Variants in COL19A1 observed in about 807,000 individuals in gnomAD.
COL19A1 encodes the protein collagen type XIX alpha 1 chain, also known as collagen alpha-1(XIX) chain.
Under a neutral mutation model 190.2 loss-of-function variants are expected in COL19A1, and 159 were observed. The ratio of observed to expected loss-of-function variants is 0.84; its 90% CI spans 0.73 to 0.95. The LOEUF (loss-of-function observed/expected upper bound fraction) is 0.95. COL19A1 is among the 40% of genes least tolerant of loss of function. COL19A1 has a pLI of 0.00. For missense variants in COL19A1, 1,418 were observed against 1,431.9 expected, an observed-to-expected ratio of 0.99 and a Z score of 0.16; for synonymous variants, 509 against 458.9, an observed-to-expected ratio of 1.11 and a Z score of -1.39.
chr6:69,912,740 G>A (rs192873575), intron 4 of COL19A1, among the ~76,000 whole-genome samples: 227 of 152,268 alleles, frequency 1.5e-3, no homozygotes, highest in Non-Finnish European at 2.5e-3. Flanking sequence ...CTCACAGAGT[G>A]TTTAATAAAT....
At chr6:69,958,893 TG>T (rs1197723732) in intron 9 of COL19A1, among the ~76,000 whole-genome samples, 1 of 152,234 alleles carries the variant, frequency 6.6e-6, no homozygotes, top group Non-Finnish European at 1.5e-5. Flanking sequence ...TTTTGAATTT[TG>T]CTTAAATAAT....
At chr6:69,960,751 C>T (rs1459404246) in intron 10 of COL19A1, among the ~76,000 whole-genome samples, 1 of 151,772 alleles carries the variant, frequency 6.6e-6, no homozygotes, top group Admixed American at 6.6e-5. Context: ...CTCAGCCTCC[C>T]GAGGAGCTGG....
chr6:69,925,645 G>C (rs570770092), intron 4 of COL19A1, among the ~76,000 whole-genome samples: 7 of 152,244 alleles, frequency 4.6e-5, no homozygotes, highest in African/African-American at 1.7e-4. Context: ...AGCTTGATAA[G>C]GATGGCATTG....
chr6:70,104,913 G>A (rs762509106), intron 16 of COL19A1, among the ~76,000 whole-genome samples: 4 of 152,154 alleles, frequency 2.6e-5, no homozygotes, highest in Admixed American at 1.3e-4. Context: ...TAGATCAAAT[G>A]AGTTTACTGA....
Position 69,872,544 on chromosome 6 carries a change from G to A in COL19A1, c.-33+5904G>A, listed in dbSNP as rs369312079. On this transcript the variant is annotated intron_variant, in intron 1 of 50. Transcript: ENST00000620364. ...TCCTTATTCAAATATCTTTGGTTTC[G>A]ATAGGTGCCTTAATGATTTCAAGAG... 7.2e-5 allele frequency among the ~76,000 whole-genome samples: 11 copies of A among 152,196 alleles called. No individual in the cohort carries two copies. The East Asian group carries it at 1.2e-3, about 16-fold the overall frequency.
At chr6:70,117,924 T>C (rs1301631973) in intron 16 of COL19A1, among the ~76,000 whole-genome samples, 1 of 152,246 alleles carries the variant, frequency 6.6e-6, no homozygotes, top group African/African-American at 2.4e-5. Context: ...CCTAAGAGCA[T>C]AAGCCAAGGC....
At chr6:69,975,466 G>A (rs986889137) in intron 11 of COL19A1, among the ~76,000 whole-genome samples, 1 of 152,304 alleles carries the variant, frequency 6.6e-6, no homozygotes, top group Admixed American at 6.5e-5. Flanking sequence ...GAGACAGTGA[G>A]GCTAGATTAG....
intron 11 of COL19A1, among the ~76,000 whole-genome samples, chr6:69,998,301 C>A (rs957540848): frequency 1.3e-5 from 2 of 151,518 alleles, no homozygotes; most frequent in African/African-American, 4.9e-5. Flanking sequence ...ATTTATTTTC[C>A]CCTTTCCCCA....
At chr6:70,072,959 TTTTATTTA>T (rs70987496) in intron 15 of COL19A1, among the ~76,000 whole-genome samples, 44,997 of 144,006 alleles carry the variant, frequency 0.31, 8,006 homozygotes, top group Non-Finnish European at 0.4. Flanking sequence ...ATTGCCTGAA[TTTTATTTA>T]TTTATTTATT....
At chr6:70,163,064 G>A (rs1787903803) in intron 35 of COL19A1, among the ~76,000 whole-genome samples, 1 of 152,134 alleles carries the variant, frequency 6.6e-6, no homozygotes, top group South Asian at 2.1e-4. Flanking sequence ...CATTTAAACA[G>A]CAAGACTAGA....
chr6:70,176,425 G>A lies in COL19A1; in HGVS notation c.2623-95G>A, dbSNP rs1765806714. The A allele has an allele frequency of 4.5e-6, 6 of 1,320,796 alleles. No homozygotes were observed. In the South Asian group the frequency reaches 5.6e-5, roughly 12 times the overall value. 81.8% of individuals were successfully genotyped at this position (1,320,796 alleles called of 1,614,324 possible). A position where few individuals can be genotyped will look rare whatever the true frequency, so the allele number is the denominator to read the frequency against. On this transcript the variant is annotated intron_variant, in intron 41 of 50. Transcript: ENST00000620364. ...TAACACTTATCAGATCCAAAGGAAA[G>A]CTTTACCAAATCCAAATTATTATTT...
At chr6:70,021,000 A>G (rs1368554949) in intron 11 of COL19A1, among the ~76,000 whole-genome samples, 1 of 152,018 alleles carries the variant, frequency 6.6e-6, no homozygotes, top group African/African-American at 2.4e-5. Flanking sequence ...AGAGACATTG[A>G]CTCCTACTTT....
intron 41 of COL19A1, among the ~76,000 whole-genome samples, chr6:70,175,828 A>C (rs1765766626): frequency 6.6e-6 from 1 of 152,198 alleles, no homozygotes; most frequent in Admixed American, 6.5e-5. Flanking sequence ...TTGCTCTCCA[A>C]GAACAGAGCA....
At chr6:70,126,152 C>CA (rs5877240) in intron 17 of COL19A1, among the ~76,000 whole-genome samples, 55,083 of 140,706 alleles carry the variant, frequency 0.39, 10,308 homozygotes, top group South Asian at 0.49. Context: ...ATTATTGATC[C>CA]AAAAAAAAAA....
At chr6:70,135,890 G>C (rs1394225422) in intron 18 of COL19A1, among the ~76,000 whole-genome samples, 3 of 152,042 alleles carry the variant, frequency 2.0e-5, no homozygotes, top group East Asian at 1.9e-4. Flanking sequence ...GTCATGTCCC[G>C]GTCTTCTTGG....
At chr6:70,201,587 C>T (rs1378369480) in intron 49 of COL19A1, among the ~76,000 whole-genome samples, 1 of 152,194 alleles carries the variant, frequency 6.6e-6, no homozygotes, top group Non-Finnish European at 1.5e-5. Flanking sequence ...AAACTTTTGT[C>T]TCCCCATTGG....
chr6:69,925,803 T>A (rs1455929980), intron 4 of COL19A1, among the ~76,000 whole-genome samples: 1 of 152,214 alleles, frequency 6.6e-6, no homozygotes, highest in African/African-American at 2.4e-5. Flanking sequence ...GTCCTTCACA[T>A]CCCTTGTAAG....
At position 69,981,343 on chromosome 6, in the gene COL19A1, C is replaced by A. The variant is rs571533394; in HGVS notation, c.1026+18473C>A. Among the ~76,000 whole-genome samples, 10 of 152,042 alleles carry A rather than the reference C, an allele frequency of 6.6e-5. No homozygotes were observed. In the East Asian group the frequency reaches 1.7e-3, roughly 26 times the overall value. On this transcript the variant is annotated intron_variant, in intron 11 of 50. Coordinates refer to ENST00000620364, the MANE Select transcript of COL19A1 (RefSeq NM_001858.6). ...AACTACTGAATAAATTAGGATTCTG[C>A]TGGGTAATCTAAATTGATATGTAGA...
At chr6:70,154,603 T>A (rs1377324959) in intron 31 of COL19A1, among the ~76,000 whole-genome samples, 1 of 152,136 alleles carries the variant, frequency 6.6e-6, no homozygotes, top group Non-Finnish European at 1.5e-5. Context: ...GAGAATTGAC[T>A]CATGTGATTA....
Sources: gnomAD v4.1 joint callset for allele counts (sites outside exome capture counted in the v4.1 genomes callset) on GRCh38, gnomAD v4.1.1 for gene constraint, MANE v1.5 for transcripts, NCBI Gene and HGNC (gene_info 2026-07-23, HGNC 2026-07-21) for gene names.